Variants in ANHX observed in about 807,000 individuals in gnomAD.
ANHX encodes anomalous homeobox protein.
In ANHX, 20 loss-of-function variants were observed where a neutral mutation model predicts 38.9. The observed-to-expected ratio is 0.51, with a 90% CI of 0.36 to 0.75. ANHX has a LOEUF of 0.75. Ranked by LOEUF, ANHX falls within the 30% of genes least tolerant of loss-of-function variation. ANHX has a pLI of 0.00. For missense variants in ANHX, 475 were observed against 493.1 expected, an observed-to-expected ratio of 0.96 and a Z score of 0.35; for synonymous variants, 185 against 203.1, an observed-to-expected ratio of 0.91 and a Z score of 0.76.
At chr12:133,232,405 T>C (rs1370302738) in intron 2 of ANHX, among the ~76,000 whole-genome samples, 1 of 88,880 alleles carries the variant, frequency 1.1e-5, no homozygotes, top group East Asian at 6.1e-4. Flanking sequence ...AGGGAGGTGC[T>C]GAGAATCATT....
chr12:133,224,679 A>G (rs1957160329), intron 7 of ANHX, among the ~76,000 whole-genome samples: 1 of 147,102 alleles, frequency 6.8e-6, no homozygotes, highest in Admixed American at 6.8e-5. Context: ...AAAAAAAAAA[A>G]AAAATGCTGG....
Position 133,227,858 on chromosome 12 carries a change from AC to A in ANHX, c.466del (p.Val156TrpfsTer3), listed in dbSNP as rs2135565406. On this transcript the variant is annotated frameshift_variant, in exon 4 of 10. Coordinates refer to ENST00000545940, the MANE Select transcript of ANHX (RefSeq NM_001372060.1). LOFTEE classifies it high-confidence loss of function. Reference protein sequence around the residue: ...EVREKLHNFAVGVNTNPSKAE... With the variant: ...EVREKLHNFAXGVNTNPSKAE... ...CTTGCTGGGGTTGGTGTTCACCCCC[AC>A]AGCGAAATTGTGCAGCTTCTCACGA... 6.8e-7 allele frequency: 1 copy of A among 1,469,952 alleles called. No homozygotes were observed. The highest frequency in any genetic ancestry group is 2.8e-5 in the East Asian group (1 of 35,100). The allele number at this position is 1,469,952 out of a possible 1,614,324, so 91.1% of individuals were successfully genotyped here. A position where few individuals can be genotyped will look rare whatever the true frequency, so the allele number is the denominator to read the frequency against.
intron 2 of ANHX, 56 bp from the exon 3 acceptor site, chr12:133,231,700 G>T: frequency 6.5e-7 from 1 of 1,526,912 alleles, no homozygotes; most frequent in Non-Finnish European, 8.8e-7. Flanking sequence ...AGCACTGTTG[G>T]GACCTGCATC....
Position 133,221,267 on chromosome 12 carries a change from C to G in ANHX, c.1218G>C (p.Arg406=). ...LGTSSGRTEL[R]VGSFLVTQPP... is the part of the protein sequence containing the mutation. ...GCTGTGTCACCAGGAAGCTGCCCACCCGTAGCTCTGTCCGTCCACTGCTTG... is the reference window on the plus strand; with the variant it reads ...GCTGTGTCACCAGGAAGCTGCCCACGCGTAGCTCTGTCCGTCCACTGCTTG... The change falls in exon 8 of 10, where the codon CGG becomes CGC. Residue 406 remains arginine, a synonymous_variant. Coordinates refer to ENST00000545940, the MANE Select transcript of ANHX (RefSeq NM_001372060.1). The surrounding 1 kb of genome is among the most constrained non-coding windows in gnomAD (Gnocchi z 4.1). 2 of 1,536,068 alleles carry G rather than the reference C, an allele frequency of 1.3e-6. No homozygotes were observed. The highest frequency in any genetic ancestry group is 1.7e-6 in the Non-Finnish European group (2 of 1,146,902).
At position 133,231,514 on chromosome 12, in the gene ANHX, T is replaced by C; in HGVS notation, c.377+3A>G. On this transcript the variant is annotated splice_donor_region_variant and intron_variant, in intron 3 of 9. Transcript: ENST00000545940. ...TATGCACAAGTAAATGCTTGTAGGTTACCTCTTCCTGCAGCGGAACTTCTG... is the reference window on the plus strand; with the variant it reads ...TATGCACAAGTAAATGCTTGTAGGTCACCTCTTCCTGCAGCGGAACTTCTG... 6.5e-7 allele frequency: 1 copy of C among 1,536,148 alleles called. No individual in the cohort carries two copies. The highest frequency in any genetic ancestry group is 1.2e-5 in the South Asian group (1 of 84,066).
At chr12:133,232,653 G>A (rs1415463791) in intron 2 of ANHX, among the ~76,000 whole-genome samples, 1 of 152,222 alleles carries the variant, frequency 6.6e-6, no homozygotes, top group Non-Finnish European at 1.5e-5. Flanking sequence ...CACCTCCTCA[G>A]ACGTACCTGT....
intron 9 of ANHX, 102 bp downstream of exon 9, chr12:133,219,181 G>T: frequency 1.8e-6 from 2 of 1,139,046 alleles, no homozygotes; most frequent in East Asian, 2.6e-5. Flanking sequence ...TCTTTGCCTG[G>T]TGTATTCACT....
At chr12:133,231,686 C>T (rs962687399) in intron 2 of ANHX, 42 bp from the exon 3 acceptor site, 1 of 1,534,462 alleles carries the variant, frequency 6.5e-7, no homozygotes, top group African/African-American at 1.4e-5. Context: ...CCTGCCCACC[C>T]TGGAGCACTG....
intron 7 of ANHX, among the ~76,000 whole-genome samples, chr12:133,222,437 G>T (rs980446473): frequency 6.6e-6 from 1 of 152,070 alleles, no homozygotes; most frequent in African/African-American, 2.4e-5. Flanking sequence ...CGAAGGCAGG[G>T]GTTTCAATAG....
chr12:133,220,447 T>C (rs1311077304), intron 8 of ANHX, among the ~76,000 whole-genome samples: 1 of 152,198 alleles, frequency 6.6e-6, no homozygotes, highest in Non-Finnish European at 1.5e-5. Context: ...GTGTACATTT[T>C]CTCACAGTCA....
chr12:133,230,323 T>C (rs969572755), intron 3 of ANHX, among the ~76,000 whole-genome samples: 3 of 152,262 alleles, frequency 2.0e-5, no homozygotes, highest in Non-Finnish European at 4.4e-5. Flanking sequence ...ACCCCACAGC[T>C]GATTTACTGC....
In ANHX at chr12:133,218,623, TGCTG is replaced by T; in HGVS notation, c.*258_*261del. ...GTGCCCCGGAGCCCGACTGATCCAGTGCTGCGTGAGTGGGACAGACCCACCTTTG... is the reference window on the plus strand; with the variant it reads ...GTGCCCCGGAGCCCGACTGATCCAGTCGTGAGTGGGACAGACCCACCTTTG... On this transcript the variant is annotated 3_prime_UTR_variant, in exon 10 of 10. Transcript: ENST00000545940. 3.1e-6 allele frequency: 1 copy of T among 319,408 alleles called. No homozygotes were observed. The highest frequency in any genetic ancestry group is 5.7e-6 in the Non-Finnish European group (1 of 174,358). The allele number at this position is 319,408 out of a possible 1,614,324, so 19.8% of individuals were successfully genotyped here. A position where few individuals can be genotyped will look rare whatever the true frequency, so the allele number is the denominator to read the frequency against.
At chr12:133,219,039 G>A in intron 9 of ANHX, 68 bp from the exon 10 acceptor site, 2 of 1,409,420 alleles carry the variant, frequency 1.4e-6, no homozygotes, top group Non-Finnish European at 1.9e-6. Context: ...CTCCCACCTG[G>A]GCACCTCCTG....
rs189172959 is a variant in ANHX at position 133,224,827 on chromosome 12, C to T, written c.1132+709G>A. Among the ~76,000 whole-genome samples, 898 of 150,916 alleles carry T rather than the reference C, an allele frequency of 6.0e-3. 11 individuals are homozygous for T. Among genetic ancestry groups the T allele is most frequent in the African/African-American group, 0.021 (867 of 41,022 alleles). On this transcript the variant is annotated intron_variant, in intron 7 of 9. Transcript: ENST00000545940. The stretch of plus-strand genomic sequence containing the variant: ...AAAAAGTACAAAAAAATTAGCCAGG[C>T]GTGGTGGCGGGCGCCTGTAGTCCCA...
Position 133,221,272 on chromosome 12 carries a change from G to T in ANHX, c.1213C>A (p.Leu405Ile). 6.5e-7 allele frequency: 1 copy of T among 1,536,024 alleles called. No homozygotes were observed. Among genetic ancestry groups the T allele is most frequent in the Non-Finnish European group, 8.7e-7 (1 of 1,146,888 alleles). Residue 405 changes from leucine (L) to isoleucine (I), a missense_variant, in exon 8 of 10, where the codon CTA becomes ATA. Leu to Ile is a conservative substitution (Grantham distance 5). Coordinates refer to ENST00000545940, the MANE Select transcript of ANHX (RefSeq NM_001372060.1). This position sits in a 1 kb window ranked among gnomAD's most constrained non-coding sequence, Gnocchi z 4.1. ...GTCACCAGGAAGCTGCCCACCCGTA[G>T]CTCTGTCCGTCCACTGCTTGTGCCC... ...GLGTSSGRTE[L>I]RVGSFLVTQP...
intron 7 of ANHX, among the ~76,000 whole-genome samples, chr12:133,223,189 CAA>C (rs762366877): frequency 9.4e-5 from 14 of 148,306 alleles, no homozygotes; most frequent in East Asian, 2.0e-4. Context: ...AACTCCGCCT[CAA>C]AAAAAAATAT....
At chr12:133,224,351 C>T (rs887386107) in intron 7 of ANHX, among the ~76,000 whole-genome samples, 2 of 152,286 alleles carry the variant, frequency 1.3e-5, no homozygotes, top group East Asian at 3.9e-4. Flanking sequence ...GATGTATATA[C>T]CCATAGAATA....
chr12:133,224,910 T>A (rs1488582986), intron 7 of ANHX, among the ~76,000 whole-genome samples: 1 of 143,006 alleles, frequency 7.0e-6, no homozygotes, highest in Admixed American at 7.3e-5. Context: ...GAGGTTGCAG[T>A]GAGCCGAGAT....
intron 7 of ANHX, among the ~76,000 whole-genome samples, chr12:133,224,735 G>C (rs1957162519): frequency 6.6e-6 from 1 of 151,250 alleles, no homozygotes. Flanking sequence ...GGAGGCCGAG[G>C]CGGGCGGATC....
Sources: allele counts gnomAD v4.1 joint callset (sites outside exome capture counted in the v4.1 genomes callset), GRCh38; gene constraint gnomAD v4.1.1; non-coding constraint Gnocchi (gnomAD v3.1); transcripts MANE v1.5; gene names NCBI Gene and HGNC (gene_info 2026-07-23, HGNC 2026-07-21).